Variants in KIDINS220 observed in about 807,000 individuals in gnomAD.
KIDINS220 encodes kinase D interacting substrate 220.
KIDINS220 carries 63 observed loss-of-function variants against 157.6 expected under a neutral mutation model. The observed-to-expected ratio is 0.40, with a 90% CI of 0.33 to 0.49. The LOEUF is 0.49. Among genes scored for constraint, KIDINS220 ranks in the 20% least tolerant of loss-of-function variants. The pLI, the probability that KIDINS220 is intolerant of heterozygous loss-of-function variation, is 0.66. For missense variants in KIDINS220, 1,772 were observed against 2,171.2 expected (o/e 0.82, Z 3.65); for synonymous variants, 732 against 783.6 (o/e 0.93, Z 1.10).
intron 11 of KIDINS220, among the ~76,000 whole-genome samples, chr2:8,795,665 A>G (rs933585006): frequency 6.6e-6 from 1 of 152,230 alleles, no homozygotes; most frequent in African/African-American, 2.4e-5. Context: ...GACTCTGGGC[A>G]CAGCAACACA....
chr2:8,741,307 C>T (rs1379533610), intron 26 of KIDINS220, among the ~76,000 whole-genome samples: 3 of 152,198 alleles, frequency 2.0e-5, no homozygotes, highest in African/African-American at 7.2e-5. Flanking sequence ...GTGGCTCACA[C>T]CTGTAATCCC....
intron 22 of KIDINS220, among the ~76,000 whole-genome samples, chr2:8,766,284 C>T (rs1669481413): frequency 6.6e-6 from 1 of 152,186 alleles, no homozygotes; most frequent in South Asian, 2.1e-4. Flanking sequence ...TGGCCCGGAA[C>T]TGTTCCCTCT....
At chr2:8,794,882 A>T (rs1215924078) in intron 11 of KIDINS220, among the ~76,000 whole-genome samples, 1 of 151,754 alleles carries the variant, frequency 6.6e-6, no homozygotes, top group Non-Finnish European at 1.5e-5. Context: ...CATCTTCTAG[A>T]CTCTCCTCTC....
intron 26 of KIDINS220, among the ~76,000 whole-genome samples, chr2:8,746,232 A>G (rs1033154670): frequency 5.9e-5 from 9 of 151,406 alleles, no homozygotes; most frequent in Non-Finnish European, 1.0e-4. Flanking sequence ...CCTCCCAAGT[A>G]GCTGGGATTA....
At chr2:8,745,735 G>A (rs770590071) in intron 26 of KIDINS220, among the ~76,000 whole-genome samples, 1 of 152,186 alleles carries the variant, frequency 6.6e-6, no homozygotes, top group Non-Finnish European at 1.5e-5. Flanking sequence ...GAAGGCTGAG[G>A]TTGCAGTGAG....
At chr2:8,819,438 C>A (rs1195465221) in intron 2 of KIDINS220, among the ~76,000 whole-genome samples, 3 of 152,180 alleles carry the variant, frequency 2.0e-5, no homozygotes, top group African/African-American at 7.2e-5. Flanking sequence ...GGTGCCTAGA[C>A]AAGTCACCCC....
chr2:8,723,285 T>C (rs1663071815), downstream of KIDINS220: 3 of 152,226 alleles, frequency 2.0e-5, no homozygotes, highest in Admixed American at 2.0e-4. Flanking sequence ...GGCGTGTGCA[T>C]CCTCCACTCT....
chr2:8,799,349 T>C (rs1674379701), intron 9 of KIDINS220, among the ~76,000 whole-genome samples: 1 of 151,876 alleles, frequency 6.6e-6, no homozygotes, highest in African/African-American at 2.4e-5. Context: ...CAGCTCACTA[T>C]AACCTCAAAC....
At chr2:8,791,887 A>G (rs547022587) in intron 12 of KIDINS220, among the ~76,000 whole-genome samples, 9 of 152,278 alleles carry the variant, frequency 5.9e-5, no homozygotes, top group African/African-American at 1.9e-4. Flanking sequence ...GTGTAAGAAT[A>G]GAAAAAAAAA....
chr2:8,765,240 T>A (rs1235994665), intron 22 of KIDINS220, among the ~76,000 whole-genome samples: 1 of 152,210 alleles, frequency 6.6e-6, no homozygotes, highest in African/African-American at 2.4e-5. Context: ...AGAGCCCAAT[T>A]TGATATGCAC....
intron 7 of KIDINS220, 114 bp downstream of exon 7, chr2:8,806,157 A>G: frequency 1.4e-6 from 1 of 692,566 alleles, no homozygotes; most frequent in Non-Finnish European, 2.5e-6. Context: ...TCCTGTTACT[A>G]TCATTTTAGA....
chr2:8,806,051 G>A lies in KIDINS220; in HGVS notation c.603+220C>T, dbSNP rs115088740. On this transcript the variant is annotated intron_variant, in intron 7 of 29. Transcript: ENST00000256707. ...ATTCTTTATACTTTTAGCCTCCCCA[G>A]TTGTGTGTGCATTAGCAACAGATCC... Among the ~76,000 whole-genome samples, 1,012 of 152,184 alleles carry A rather than the reference G, an allele frequency of 6.6e-3. 19 individuals are homozygous for A. The highest frequency in any genetic ancestry group is 0.023 in the African/African-American group (959 of 41,514).
At chr2:8,754,139 A>G (rs1371962443) in intron 22 of KIDINS220, among the ~76,000 whole-genome samples, 3 of 152,226 alleles carry the variant, frequency 2.0e-5, no homozygotes, top group African/African-American at 7.2e-5. Context: ...ATTTAGATAA[A>G]AACACACAGC....
chr2:8,762,811 T>G (rs1026001584), intron 22 of KIDINS220, among the ~76,000 whole-genome samples: 2 of 152,136 alleles, frequency 1.3e-5, no homozygotes, highest in African/African-American at 4.8e-5. Flanking sequence ...TATAGCCATA[T>G]AGTAGACATA....
At position 8,758,258 on chromosome 2, in the gene KIDINS220, G is replaced by A. The variant is rs572126164; in HGVS notation, c.3012-6614C>T. Among the ~76,000 whole-genome samples the A allele has an allele frequency of 5.3e-5, 8 of 152,240 alleles. 1 individual carries two copies. The highest frequency in any genetic ancestry group is 1.9e-4 in the African/African-American group (8 of 41,530). Reference sequence around the variant, plus strand: ...AACCTGTAATCTGCATAAAATTGTGGTTTTTCCTGTCTATGTAATCCCCAA... The same window carrying A: ...AACCTGTAATCTGCATAAAATTGTGATTTTTCCTGTCTATGTAATCCCCAA... On this transcript the variant is annotated intron_variant, in intron 22 of 29. Coordinates refer to ENST00000256707, the MANE Select transcript of KIDINS220 (RefSeq NM_020738.4).
chr2:8,768,353 A>G (rs1669745703), intron 22 of KIDINS220, among the ~76,000 whole-genome samples: 1 of 152,144 alleles, frequency 6.6e-6, no homozygotes, highest in Non-Finnish European at 1.5e-5. Flanking sequence ...TTGAATGAAC[A>G]GTGTGTCATC....
chr2:8,792,382 A>G (rs983327077), intron 12 of KIDINS220, among the ~76,000 whole-genome samples: 2 of 152,200 alleles, frequency 1.3e-5, no homozygotes, highest in African/African-American at 2.4e-5. Context: ...ATAACACAGA[A>G]AGACTCTTAC....
chr2:8,729,598 A>T lies in KIDINS220; in HGVS notation c.*1122T>A, dbSNP rs543360413. The T allele has an allele frequency of 1.4e-5, 14 of 969,488 alleles. No homozygotes were observed. In the East Asian group the frequency reaches 4.6e-4, roughly 32 times the overall value. The allele number at this position is 969,488 out of a possible 1,614,324, so 60.1% of individuals were successfully genotyped here. On this transcript the variant is annotated 3_prime_UTR_variant, in exon 30 of 30. Coordinates refer to ENST00000256707, the MANE Select transcript of KIDINS220 (RefSeq NM_020738.4). ...AGCACTTATATAGATATATATATAT[A>T]TTTTACCCTTGCTTTGTTACATGTT...
Position 8,729,667 on chromosome 2 carries a change from C to A in KIDINS220, c.*1053G>T. ...AAGTATTTCCTTTCTTATGATCCTT[C>A]CCCAGAACTAACATGCTGACTTAGG... On this transcript the variant is annotated 3_prime_UTR_variant, in exon 30 of 30. Coordinates refer to ENST00000256707, the MANE Select transcript of KIDINS220 (RefSeq NM_020738.4). The A allele has an allele frequency of 3.0e-6, 3 of 984,602 alleles. No homozygotes were observed. Among genetic ancestry groups the A allele is most frequent in the Non-Finnish European group, 3.6e-6 (3 of 829,266 alleles). The allele number at this position is 984,602 out of a possible 1,614,324, so 61.0% of individuals were successfully genotyped here.
Sources: allele counts gnomAD v4.1 joint callset (sites outside exome capture counted in the v4.1 genomes callset), GRCh38; gene constraint gnomAD v4.1.1; transcripts MANE v1.5; gene names NCBI Gene and HGNC (gene_info 2026-07-23, HGNC 2026-07-21).